The following NCOA1 variants were observed in gnomAD, a reference collection of about 807,000 sequenced individuals.
NCOA1 encodes the protein Hin-2 protein.
A neutral mutation model predicts 150.9 loss-of-function variants in NCOA1; 35 were observed. The ratio of observed to expected loss-of-function variants is 0.23; its 90% CI spans 0.18 to 0.31. NCOA1 has a LOEUF of 0.31. Ranked by LOEUF, NCOA1 falls within the 10% of genes least tolerant of loss-of-function variation. The probability of loss-of-function intolerance (pLI) is 1.00; values close to 1 mark genes in which losing one functional copy is unlikely to be tolerated. For synonymous variants in NCOA1, 590 were observed against 630.0 expected (o/e 0.94, Z 0.95); for missense variants, 1,491 against 1,749.3 (o/e 0.85, Z 2.63).
chr2:24,665,140 ATTTTTTTTTCTGTC>A lies in NCOA1; in HGVS notation c.90-603_90-590del, dbSNP rs1056601750. On this transcript the variant is annotated intron_variant, in intron 5 of 22. Coordinates refer to ENST00000348332, the MANE Select transcript of NCOA1 (RefSeq NM_003743.5). Reference sequence around the variant, plus strand: ...TTGCATTTATAGGAACTTACAAATCATTTTTTTTTCTGTCTTTTTAGGACACAGCTGTATACAGA... The same window carrying A: ...TTGCATTTATAGGAACTTACAAATCATTTTTAGGACACAGCTGTATACAGA... 1.1e-3 allele frequency among the ~76,000 whole-genome samples: 164 copies of A among 150,924 alleles called. 1 individual carries two copies. The highest frequency in any genetic ancestry group is 3.7e-3 in the African/African-American group (152 of 41,198).
chr2:24,522,504 G>A (rs1664457171), intron 1 of NCOA1, among the ~76,000 whole-genome samples: 3 of 152,112 alleles, frequency 2.0e-5, no homozygotes, highest in Admixed American at 6.6e-5. Context: ...TCTGATAAGG[G>A]TACATGTTAG....
rs542641714 is a variant in NCOA1, at chr2:24,698,697, A to G, written c.949+899A>G. ...ATCTCTAGATAGTTTCTTTTGTAAG[A>G]ATCTCATTGTATGGCTTTTCCTGAA... is the stretch of plus-strand genomic sequence containing the variant. On this transcript the variant is annotated intron_variant, in intron 11 of 22. Coordinates refer to ENST00000348332, the MANE Select transcript of NCOA1 (RefSeq NM_003743.5). 2.0e-4 allele frequency among the ~76,000 whole-genome samples: 30 copies of G among 152,310 alleles called. 1 individual carries two copies. In the South Asian group the frequency reaches 6.2e-3, roughly 32 times the overall value.
At chr2:24,684,799 C>A (rs1222276067) in intron 8 of NCOA1, among the ~76,000 whole-genome samples, 2 of 152,114 alleles carry the variant, frequency 1.3e-5, no homozygotes, top group African/African-American at 2.4e-5. Context: ...GTTGGTTGAT[C>A]ATCCATTAGA....
chr2:24,517,884 A>G (rs549581981), intron 1 of NCOA1, among the ~76,000 whole-genome samples: 163 of 152,304 alleles, frequency 1.1e-3, no homozygotes, highest in Non-Finnish European at 1.6e-3. Flanking sequence ...TAATATAGTA[A>G]TAGCATCAGA....
chr2:24,562,075 A>G (rs898240097), intron 1 of NCOA1, among the ~76,000 whole-genome samples: 2 of 152,192 alleles, frequency 1.3e-5, no homozygotes, highest in Admixed American at 6.5e-5. Flanking sequence ...ATTATCTACT[A>G]TTATTAAAGG....
chr2:24,540,684 C>T (rs1665354444), intron 1 of NCOA1, among the ~76,000 whole-genome samples: 1 of 152,098 alleles, frequency 6.6e-6, no homozygotes, highest in Non-Finnish European at 1.5e-5. Flanking sequence ...GTCTCGAACT[C>T]CTGACCTCAA....
At chr2:24,638,773 G>A (rs1291931640) in intron 3 of NCOA1, among the ~76,000 whole-genome samples, 1 of 152,020 alleles carries the variant, frequency 6.6e-6, no homozygotes, top group African/African-American at 2.4e-5. Context: ...CCATATATTT[G>A]TATGACTTTT....
intron 3 of NCOA1, among the ~76,000 whole-genome samples, chr2:24,587,758 T>C (rs1280827619): frequency 2.6e-5 from 4 of 152,192 alleles, no homozygotes; most frequent in Admixed American, 6.5e-5. Context: ...CTTTACAGTA[T>C]TTTCAAGTAA....
At chr2:24,523,621 A>AAAAAAAAAAAAAAAAAC (rs1664520971) in intron 1 of NCOA1, among the ~76,000 whole-genome samples, 2 of 132,400 alleles carry the variant, frequency 1.5e-5, no homozygotes, top group Non-Finnish European at 3.3e-5. Flanking sequence ...AAAAAAAAAA[A>AAAAAAAAAAAAAAAAAC]AAAAAAAAAG....
chr2:24,720,629 GA>G (rs1674313175), intron 14 of NCOA1, among the ~76,000 whole-genome samples: 2 of 151,178 alleles, frequency 1.3e-5, no homozygotes, highest in Admixed American at 6.6e-5. Context: ...AGACAGGAAA[GA>G]AAAAAGAATT....
intron 6 of NCOA1, among the ~76,000 whole-genome samples, chr2:24,668,266 G>A (rs1671521515): frequency 1.3e-5 from 2 of 152,082 alleles, no homozygotes; most frequent in Non-Finnish European, 2.9e-5. Context: ...GAGAAATAAT[G>A]CAAAAATAAT....
At chr2:24,756,656 T>C (rs1250352103) in intron 20 of NCOA1, among the ~76,000 whole-genome samples, 1 of 152,222 alleles carries the variant, frequency 6.6e-6, no homozygotes, top group Non-Finnish European at 1.5e-5. Context: ...CAGTTTATTG[T>C]TAACAATTAA....
At chr2:24,574,620 G>A (rs1035448576) in intron 2 of NCOA1, among the ~76,000 whole-genome samples, 3 of 151,608 alleles carry the variant, frequency 2.0e-5, no homozygotes, top group Non-Finnish European at 4.4e-5. Flanking sequence ...TCTCCTTTGT[G>A]TAGATCAAAA....
At chr2:24,671,024 G>C (rs552127663) in intron 6 of NCOA1, among the ~76,000 whole-genome samples, 1 of 152,274 alleles carries the variant, frequency 6.6e-6, no homozygotes, top group African/African-American at 2.4e-5. Context: ...TTATGATCCT[G>C]AAATTTCACT....
intron 17 of NCOA1, among the ~76,000 whole-genome samples, chr2:24,734,619 ACT>A (rs1663194264): frequency 6.6e-6 from 1 of 151,984 alleles, no homozygotes; most frequent in South Asian, 2.1e-4. Context: ...ACATAGCAAG[ACT>A]CTGTCTCTAC....
At chr2:24,666,075 G>A (rs532457155) in intron 6 of NCOA1, among the ~76,000 whole-genome samples, 160 bp downstream of exon 6, 3 of 151,442 alleles carry the variant, frequency 2.0e-5, no homozygotes, top group East Asian at 1.9e-4. Context: ...GCAGTGGTGC[G>A]ATCTCGGCTC....
intron 1 of NCOA1, among the ~76,000 whole-genome samples, chr2:24,561,620 A>G (rs1003628115): frequency 6.6e-5 from 10 of 152,182 alleles, no homozygotes; most frequent in Non-Finnish European, 1.3e-4. Flanking sequence ...AAGCAGTAGT[A>G]GTATGGATGT....
At chr2:24,633,107 C>T (rs1325085982) in intron 3 of NCOA1, among the ~76,000 whole-genome samples, 1 of 151,658 alleles carries the variant, frequency 6.6e-6, no homozygotes, top group African/African-American at 2.4e-5. Flanking sequence ...TATACATATA[C>T]ACACGTACAC....
chr2:24,727,899 A>G (rs902613478), intron 15 of NCOA1, among the ~76,000 whole-genome samples: 1 of 152,232 alleles, frequency 6.6e-6, no homozygotes, highest in Non-Finnish European at 1.5e-5. Flanking sequence ...TCAGTTATTA[A>G]CAATTAATGG....
Sources: allele counts gnomAD v4.1 joint callset (sites outside exome capture counted in the v4.1 genomes callset), GRCh38; gene constraint gnomAD v4.1.1; transcripts MANE v1.5; gene names NCBI Gene and HGNC (gene_info 2026-07-23, HGNC 2026-07-21).